PARP8: variants seen among roughly 807,000 people sequenced by gnomAD.
The protein encoded by PARP8 is protein mono-ADP-ribosyltransferase PARP8.
In PARP8, 51 loss-of-function variants were observed where a neutral mutation model predicts 124.1. That is an observed-to-expected ratio of 0.41 (90% CI 0.33 to 0.52). PARP8 has a LOEUF of 0.52. PARP8 is among the 20% of genes least tolerant of loss of function. The pLI is 0.21. For missense variants in PARP8, 860 were observed against 1,018.9 expected, an observed-to-expected ratio of 0.84 and a Z score of 2.12; for synonymous variants, 391 against 361.5, an observed-to-expected ratio of 1.08 and a Z score of -0.93.
intron 2 of PARP8, among the ~76,000 whole-genome samples, chr5:50,709,734 C>A (rs927190417): frequency 6.6e-6 from 1 of 151,262 alleles, no homozygotes; most frequent in South Asian, 2.1e-4. Flanking sequence ...GTTATTAAGC[C>A]CTGGTACTGT....
intron 2 of PARP8, among the ~76,000 whole-genome samples, chr5:50,709,949 T>C (rs1188903211): frequency 2.0e-5 from 2 of 100,380 alleles, no homozygotes; most frequent in Non-Finnish European, 4.5e-5. Context: ...TATATATATA[T>C]ATATATACAC....
In PARP8 at chr5:50,728,899, C is replaced by T. The variant is rs551396492; in HGVS notation, c.147-21252C>T. 1.3e-3 allele frequency among the ~76,000 whole-genome samples: 202 copies of T among 152,002 alleles called. 1 individual carries two copies. The highest frequency in any genetic ancestry group is 4.8e-3 in the African/African-American group (200 of 41,480). On this transcript the variant is annotated intron_variant, in intron 2 of 25. Transcript: ENST00000281631. ...GAGATATATATGTACCTGAAAAATA[C>T]TTAAAAATGTGATGAGACAAATCAA...
At chr5:50,724,743 T>G (rs552122264) in intron 2 of PARP8, among the ~76,000 whole-genome samples, 9 of 152,196 alleles carry the variant, frequency 5.9e-5, no homozygotes, top group African/African-American at 2.2e-4. Context: ...CAAGTGGTTT[T>G]TTTTTGCATG....
intron 14 of PARP8, among the ~76,000 whole-genome samples, chr5:50,800,534 G>A (rs1276468207): frequency 1.3e-5 from 2 of 152,084 alleles, no homozygotes; most frequent in Admixed American, 1.3e-4. Flanking sequence ...TTCACTGTTT[G>A]TTGGGGATTT....
At chr5:50,840,047 G>A (rs138355652) in intron 25 of PARP8, among the ~76,000 whole-genome samples, 1 of 151,890 alleles carries the variant, frequency 6.6e-6, no homozygotes, top group East Asian at 1.9e-4. Context: ...ACAGATGATG[G>A]GGATAAGTGT....
At chr5:50,778,438 T>C in intron 8 of PARP8, 122 bp from the exon 9 acceptor site, 2 of 745,444 alleles carry the variant, frequency 2.7e-6, no homozygotes, top group Non-Finnish European at 2.2e-6. Context: ...GGTTTTGAGA[T>C]AACTTATAGG....
At chr5:50,783,669 CT>C (rs1350627209) in intron 9 of PARP8, among the ~76,000 whole-genome samples, 1 of 152,108 alleles carries the variant, frequency 6.6e-6, no homozygotes, top group African/African-American at 2.4e-5. Context: ...CCTTAAATAA[CT>C]TATTTTATGG....
chr5:50,678,799 T>A (rs957398818), intron 2 of PARP8, among the ~76,000 whole-genome samples: 1 of 152,142 alleles, frequency 6.6e-6, no homozygotes, highest in African/African-American at 2.4e-5. Context: ...CAAGGCCTGC[T>A]GAGTTAACCC....
At chr5:50,794,055 A>G (rs926193927) in intron 10 of PARP8, 152 bp from the exon 11 acceptor site, 2 of 754,070 alleles carry the variant, frequency 2.7e-6, no homozygotes, top group African/African-American at 1.8e-5. Context: ...TTTCCTACAT[A>G]TGAAAAATCT....
intron 9 of PARP8, among the ~76,000 whole-genome samples, chr5:50,781,142 A>G (rs1375454356): frequency 2.6e-5 from 4 of 151,970 alleles, no homozygotes; most frequent in African/African-American, 9.7e-5. Context: ...AAAACTTTAT[A>G]TGTTTTTTCC....
At chr5:50,816,252 A>T (rs1745093350) in intron 15 of PARP8, among the ~76,000 whole-genome samples, 1 of 152,164 alleles carries the variant, frequency 6.6e-6, no homozygotes, top group South Asian at 2.1e-4. Flanking sequence ...TCAGCTCCTC[A>T]CTTACTGAAG....
chr5:50,794,747 G>A (rs1395230997), intron 11 of PARP8, 106 bp from the exon 12 acceptor site: 2 of 990,036 alleles, frequency 2.0e-6, no homozygotes, highest in African/African-American at 3.3e-5. Context: ...TTAAAATGAG[G>A]TGGTAGAATA....
chr5:50,667,057 G>A lies in PARP8; in HGVS notation c.-39G>A, dbSNP rs1243541303. On this transcript the variant is annotated 5_prime_UTR_variant, in exon 1 of 26. It adds an upstream start codon to the 5' untranslated region. Transcript: ENST00000281631. ...AAGCGTGCGAGGGGGGTGGGGTGGG[G>A]TGGAAATAGCGGCTGCTTCTTTTCC... 13 of 1,596,354 alleles carry A rather than the reference G, an allele frequency of 8.1e-6. No homozygotes were observed. The Admixed American group carries it at 1.0e-4, about 12-fold the overall frequency.
chr5:50,709,168 C>T (rs573250486), intron 2 of PARP8, among the ~76,000 whole-genome samples: 2 of 152,074 alleles, frequency 1.3e-5, no homozygotes, highest in South Asian at 2.1e-4. Flanking sequence ...CATTGAAATT[C>T]CTGTAGTGAT....
At chr5:50,725,222 A>G (rs1756312207) in intron 2 of PARP8, among the ~76,000 whole-genome samples, 1 of 151,916 alleles carries the variant, frequency 6.6e-6, no homozygotes, top group South Asian at 2.1e-4. Context: ...GTTGCACAAT[A>G]TATTATGATA....
chr5:50,756,867 G>T (rs1760017855), intron 3 of PARP8, among the ~76,000 whole-genome samples: 1 of 152,032 alleles, frequency 6.6e-6, no homozygotes, highest in South Asian at 2.1e-4. Context: ...CTTATTCTCT[G>T]CTTATACTAG....
intron 2 of PARP8, among the ~76,000 whole-genome samples, chr5:50,714,978 C>G (rs1282338551): frequency 1.3e-5 from 2 of 152,056 alleles, no homozygotes; most frequent in African/African-American, 2.4e-5. Flanking sequence ...CCATGGATTC[C>G]TCTTTCATTC....
At chr5:50,768,925 C>G (rs956646614) in intron 7 of PARP8, among the ~76,000 whole-genome samples, 3 of 152,116 alleles carry the variant, frequency 2.0e-5, no homozygotes, top group Non-Finnish European at 4.4e-5. Context: ...TCTTTGAAAT[C>G]TGGCATACAA....
At chr5:50,731,286 G>A (rs1756949533) in intron 2 of PARP8, among the ~76,000 whole-genome samples, 1 of 152,084 alleles carries the variant, frequency 6.6e-6, no homozygotes, top group Non-Finnish European at 1.5e-5. Flanking sequence ...CCTTTAGAGA[G>A]TGAAATCAAA....
Sources: gnomAD v4.1 joint callset for allele counts (sites outside exome capture counted in the v4.1 genomes callset) on GRCh38, gnomAD v4.1.1 for gene constraint, MANE v1.5 for transcripts, NCBI Gene and HGNC (gene_info 2026-07-23, HGNC 2026-07-21) for gene names.